STON2: variants seen among roughly 807,000 people sequenced by gnomAD.
STON2 encodes stonin-2.
Under a neutral mutation model 65.7 loss-of-function variants are expected in STON2, and 29 were observed. The ratio of observed to expected loss-of-function variants is 0.44; its 90% CI spans 0.33 to 0.60. The LOEUF (loss-of-function observed/expected upper bound fraction) is 0.60, where lower values mean the gene tolerates loss of function less well. Ranked by LOEUF, STON2 falls within the 20% of genes least tolerant of loss-of-function variation. The probability of loss-of-function intolerance (pLI) is 0.03; values close to 1 mark genes in which losing one functional copy is unlikely to be tolerated. For missense variants in STON2, 1,054 were observed against 1,118.1 expected (o/e 0.94, Z 0.82); for synonymous variants, 404 against 414.2 (o/e 0.98, Z 0.30).
At chr14:81,375,896 G>A (rs6574649) in intron 3 of STON2, among the ~76,000 whole-genome samples, 26,429 of 150,110 alleles carry the variant, frequency 0.18, 3,017 homozygotes, top group East Asian at 0.44. Context: ...TGGTTAACTA[G>A]TATCTAGTTG....
At position 81,333,255 on chromosome 14, in the gene STON2, G is replaced by A. The variant is rs764935708; in HGVS notation, c.572-9068C>T. The A allele has an allele frequency of 2.9e-4, 217 of 751,566 alleles. 1 individual carries two copies. Among genetic ancestry groups the A allele is most frequent in the Non-Finnish European group, 2.8e-4 (120 of 421,414 alleles). 46.6% of individuals were successfully genotyped at this position (751,566 alleles called of 1,614,324 possible). A position where few individuals can be genotyped will look rare whatever the true frequency, so the allele number is the denominator to read the frequency against. ...TTTCCCGAATTTCTGTCTTAGGTAC[G>A]GTACTGTTGCCTTCCCGGGGTGAAG... On this transcript the variant is annotated intron_variant, in intron 4 of 7. Coordinates refer to ENST00000614646, the MANE Select transcript of STON2 (RefSeq NM_001394390.1).
chr14:81,341,853 A>G (rs9944062), intron 4 of STON2, among the ~76,000 whole-genome samples: 2,117 of 152,308 alleles, frequency 0.014, 45 homozygotes, highest in African/African-American at 0.048. Flanking sequence ...CAGAATCTTC[A>G]TGTCGTAAAA....
chr14:81,298,559 GAC>G (rs147661111), intron 5 of STON2, among the ~76,000 whole-genome samples: 1,748 of 152,272 alleles, frequency 0.011, 41 homozygotes, highest in African/African-American at 0.04. Flanking sequence ...CCTCTGTCAT[GAC>G]ACACACAATC....
At chr14:81,428,898 T>C (rs952634851) in intron 1 of STON2, among the ~76,000 whole-genome samples, 1 of 152,218 alleles carries the variant, frequency 6.6e-6, no homozygotes, top group Admixed American at 6.5e-5. Flanking sequence ...GTCTAGTGTC[T>C]AACTTCAAAG....
At chr14:81,421,176 G>A (rs1419958641) in intron 2 of STON2, among the ~76,000 whole-genome samples, 1 of 152,156 alleles carries the variant, frequency 6.6e-6, no homozygotes, top group Non-Finnish European at 1.5e-5. Context: ...GTTTTTTCAA[G>A]GCCTCCACTC....
Position 81,261,943 on chromosome 14 carries a change from A to AT in STON2, c.*6470dup, listed in dbSNP as rs1450669259. 24 of 1,343,070 alleles carry AT rather than the reference A, an allele frequency of 1.8e-5. No individual in the cohort carries two copies. The highest frequency in any genetic ancestry group is 1.9e-4 in the Middle Eastern group (1 of 5,176). 83.2% of individuals were successfully genotyped at this position (1,343,070 alleles called of 1,614,324 possible). ...TCTGTTTCTGTTGTCTGGGGAAATG[A>AT]TAAAAAAAAAAAAAAAAAAGAGAGA... On this transcript the variant is annotated 3_prime_UTR_variant, in exon 8 of 8. Transcript: ENST00000614646.
chr14:81,286,644 G>A (rs183612199), intron 5 of STON2, among the ~76,000 whole-genome samples: 20 of 152,258 alleles, frequency 1.3e-4, no homozygotes, highest in African/African-American at 4.6e-4. Flanking sequence ...TTATTGCAGT[G>A]GTCTGAAACC....
chr14:81,381,665 T>C (rs1899523811), intron 3 of STON2, among the ~76,000 whole-genome samples: 1 of 152,150 alleles, frequency 6.6e-6, no homozygotes, highest in Admixed American at 6.6e-5. Context: ...TAGAAAAATA[T>C]GACAATCCTA....
At chr14:81,317,695 T>C (rs1345426224) in intron 5 of STON2, among the ~76,000 whole-genome samples, 2 of 152,102 alleles carry the variant, frequency 1.3e-5, no homozygotes, top group African/African-American at 4.8e-5. Flanking sequence ...GTGTTCAGAG[T>C]AGATGGAAAC....
intron 3 of STON2, among the ~76,000 whole-genome samples, chr14:81,375,123 T>G (rs1595413495): frequency 6.6e-6 from 1 of 151,994 alleles, no homozygotes; most frequent in East Asian, 1.9e-4. Context: ...TGAAATATCT[T>G]CACAGAACAG....
chr14:81,277,391 G>T lies in STON2; in HGVS notation c.2091C>A (p.Ile697=). Reference sequence around the variant, plus strand: ...CATGGAAACGGCACTCATGGAGCTTGATCCACTTTGTGGTGGTGGTGGGCA... The same window carrying T: ...CATGGAAACGGCACTCATGGAGCTTTATCCACTTTGTGGTGGTGGTGGGCA... ...DIMPTTTTKW[I]KLHECRFHGC... The change falls in exon 6 of 8, where the codon ATC becomes ATA. Residue 697 remains isoleucine (I), a synonymous_variant. Coordinates refer to ENST00000614646, the MANE Select transcript of STON2 (RefSeq NM_001394390.1). 6.2e-7 allele frequency: 1 copy of T among 1,614,192 alleles called. No individual in the cohort carries two copies. Among genetic ancestry groups the T allele is most frequent in the Non-Finnish European group, 8.5e-7 (1 of 1,180,040 alleles).
At chr14:81,371,596 G>C (rs992008459) in intron 3 of STON2, among the ~76,000 whole-genome samples, 4 of 149,228 alleles carry the variant, frequency 2.7e-5, no homozygotes, top group Non-Finnish European at 5.9e-5. Flanking sequence ...TCGGGAGGCT[G>C]AGATAGGAGA....
At chr14:81,343,343 G>A (rs866528119) in intron 4 of STON2, among the ~76,000 whole-genome samples, 7 of 152,156 alleles carry the variant, frequency 4.6e-5, no homozygotes, top group African/African-American at 1.2e-4. Flanking sequence ...TGTTGCTTGC[G>A]GCAACCAATT....
At chr14:81,398,727 C>T (rs1345093756) in intron 1 of STON2, 147 bp from the exon 2 acceptor site, 1 of 205,256 alleles carries the variant, frequency 4.9e-6, no homozygotes, top group African/African-American at 2.3e-5. Context: ...TCCTGTCATG[C>T]CCTCACCTTT....
At chr14:81,435,452 C>T (rs1419861160) in intron 1 of STON2, among the ~76,000 whole-genome samples, 1 of 152,182 alleles carries the variant, frequency 6.6e-6, no homozygotes, top group African/African-American at 2.4e-5. Flanking sequence ...ATCCTCAAAA[C>T]AACGCTATCA....
In STON2 at chr14:81,277,309, C is replaced by A. The variant is rs550281211; in HGVS notation, c.2173G>T (p.Asp725Tyr). 1.9e-6 allele frequency: 3 copies of A among 1,614,062 alleles called. No homozygotes were observed. The highest frequency in any genetic ancestry group is 2.5e-6 in the Non-Finnish European group (3 of 1,180,040). Residue 725 changes from aspartate to tyrosine, a missense_variant, in exon 6 of 8, where the codon GAT (aspartate) becomes TAT (tyrosine). Physicochemically the swap from Asp to Tyr is radical, Grantham distance 160. Transcript: ENST00000614646. ...CGCATTAGCTCAAACCGGCACGCATCCAAAGGGTTGAACAGAATGACCCGT... is the reference window on the plus strand; with the variant it reads ...CGCATTAGCTCAAACCGGCACGCATACAAAGGGTTGAACAGAATGACCCGT... ...NSRVILFNPL[D>Y]ACRFELMRFR...
At chr14:81,406,857 A>G (rs1033303402) in intron 2 of STON2, among the ~76,000 whole-genome samples, 18 of 152,156 alleles carry the variant, frequency 1.2e-4, no homozygotes, top group African/African-American at 4.1e-4. Context: ...ACACCCAGAC[A>G]TACTTCTGCT....
At chr14:81,312,420 G>C (rs868369792) in intron 5 of STON2, among the ~76,000 whole-genome samples, 1 of 152,170 alleles carries the variant, frequency 6.6e-6, no homozygotes, top group African/African-American at 2.4e-5. Flanking sequence ...AACGCAAAGA[G>C]GCTACTTCAC....
intron 4 of STON2, among the ~76,000 whole-genome samples, chr14:81,340,441 G>A (rs1411834855): frequency 6.6e-6 from 1 of 152,212 alleles, no homozygotes; most frequent in Non-Finnish European, 1.5e-5. Context: ...CCTGAAAGCT[G>A]GAGAGAAACA....
Sources: allele counts gnomAD v4.1 joint callset (sites outside exome capture counted in the v4.1 genomes callset), GRCh38; gene constraint gnomAD v4.1.1; transcripts MANE v1.5; gene names NCBI Gene and HGNC (gene_info 2026-07-23, HGNC 2026-07-21).